OTUD7A: variants seen among roughly 807,000 people sequenced by gnomAD.
OTUD7A encodes OTU deubiquitinase 7A.
In OTUD7A, 12 loss-of-function variants were observed where a neutral mutation model predicts 65.7. The observed-to-expected ratio is 0.18, with a 90% CI of 0.12 to 0.30. The LOEUF (loss-of-function observed/expected upper bound fraction) is 0.30. Among genes scored for constraint, OTUD7A ranks in the 10% least tolerant of loss-of-function variants. The probability of loss-of-function intolerance (pLI) is 1.00; values close to 1 mark genes in which losing one functional copy is unlikely to be tolerated. For synonymous variants in OTUD7A, 641 were observed against 586.3 expected (o/e 1.09, Z -1.35); for missense variants, 1,148 against 1,304.8 (o/e 0.88, Z 1.85).
intron 10 of OTUD7A, among the ~76,000 whole-genome samples, chr15:31,488,045 C>T (rs1174299041): frequency 1.3e-5 from 2 of 152,178 alleles, no homozygotes; most frequent in Non-Finnish European, 2.9e-5. Context: ...GTATCAGTGC[C>T]TGGGACCCAT....
chr15:31,507,536 C>T (rs1040490247), intron 8 of OTUD7A, among the ~76,000 whole-genome samples: 6 of 151,760 alleles, frequency 4.0e-5, no homozygotes, highest in Non-Finnish European at 8.8e-5. Flanking sequence ...TGGCACGGAC[C>T]CAAAGAGTGA....
chr15:31,606,154 T>G (rs1208195342), intron 3 of OTUD7A, among the ~76,000 whole-genome samples: 1 of 152,206 alleles, frequency 6.6e-6, no homozygotes, highest in Non-Finnish European at 1.5e-5. Flanking sequence ...AATTTTTAGC[T>G]CAGTGTAAAT....
intron 1 of OTUD7A, among the ~76,000 whole-genome samples, chr15:31,833,691 A>G (rs1279241744): frequency 6.6e-6 from 1 of 152,278 alleles, no homozygotes; most frequent in Non-Finnish European, 1.5e-5. Context: ...CTCTTTTAGA[A>G]CCAGGCTAGA....
intron 3 of OTUD7A, among the ~76,000 whole-genome samples, chr15:31,587,673 A>G (rs953299948): frequency 1.3e-5 from 2 of 151,514 alleles, no homozygotes; most frequent in African/African-American, 4.9e-5. Context: ...AAATCTTATC[A>G]TGTTCCTCTC....
chr15:31,813,455 A>G (rs1484357703), intron 1 of OTUD7A, among the ~76,000 whole-genome samples: 1 of 152,240 alleles, frequency 6.6e-6, no homozygotes, highest in Non-Finnish European at 1.5e-5. Context: ...TCCAAGATTC[A>G]GCAAATGCCA....
intron 1 of OTUD7A, among the ~76,000 whole-genome samples, chr15:31,703,433 C>T (rs1358884604): frequency 1.3e-5 from 2 of 151,816 alleles, no homozygotes; most frequent in African/African-American, 4.8e-5. Flanking sequence ...AGAGACATTT[C>T]ACTGAAGAGA....
intron 3 of OTUD7A, among the ~76,000 whole-genome samples, chr15:31,604,703 C>T (rs948888347): frequency 1.3e-5 from 2 of 152,252 alleles, no homozygotes; most frequent in Non-Finnish European, 2.9e-5. Flanking sequence ...TAGTAACTGG[C>T]TCATGCATGT....
chr15:31,807,841 C>T (rs1326394958), intron 1 of OTUD7A, among the ~76,000 whole-genome samples: 1 of 152,092 alleles, frequency 6.6e-6, no homozygotes, highest in Non-Finnish European at 1.5e-5. Context: ...ACTGAAGCCT[C>T]ACAGACTGTT....
At chr15:31,704,518 C>T (rs1378198799) in intron 1 of OTUD7A, among the ~76,000 whole-genome samples, 1 of 148,950 alleles carries the variant, frequency 6.7e-6, no homozygotes, top group Non-Finnish European at 1.5e-5. Flanking sequence ...ATTTTTGTTA[C>T]AGTCACTCAT....
intron 1 of OTUD7A, among the ~76,000 whole-genome samples, chr15:31,854,454 C>T (rs894098934): frequency 3.2e-4 from 48 of 152,168 alleles, no homozygotes; most frequent in Middle Eastern, 3.2e-3. Flanking sequence ...TAAAGAGAAA[C>T]GTTTCCCTCT....
At chr15:31,606,684 T>C (rs1890248903) in intron 3 of OTUD7A, among the ~76,000 whole-genome samples, 1 of 152,214 alleles carries the variant, frequency 6.6e-6, no homozygotes, top group South Asian at 2.1e-4. Context: ...AACGCACGAC[T>C]TCTGTTTTGG....
chr15:31,524,877 A>G (rs1344986148), intron 8 of OTUD7A, among the ~76,000 whole-genome samples: 1 of 152,186 alleles, frequency 6.6e-6, no homozygotes, highest in Non-Finnish European at 1.5e-5. Context: ...CTGTGTCCCC[A>G]TTAGCATCTG....
chr15:31,770,622 C>T (rs759624355), intron 1 of OTUD7A, among the ~76,000 whole-genome samples: 2 of 152,074 alleles, frequency 1.3e-5, no homozygotes, highest in Non-Finnish European at 2.9e-5. Context: ...AAACTATAGG[C>T]CAATATCCTT....
At chr15:31,627,159 A>G (rs977510451) in intron 3 of OTUD7A, among the ~76,000 whole-genome samples, 3 of 151,982 alleles carry the variant, frequency 2.0e-5, no homozygotes, top group Non-Finnish European at 2.9e-5. Context: ...TTACACATGT[A>G]TGCATGTGCC....
At chr15:31,637,668 A>G (rs1022425963) in intron 3 of OTUD7A, among the ~76,000 whole-genome samples, 3 of 152,236 alleles carry the variant, frequency 2.0e-5, no homozygotes, top group African/African-American at 7.2e-5. Flanking sequence ...CTAGAAGTCA[A>G]TAAGAACATC....
At chr15:31,837,227 T>C (rs1434382018) in intron 1 of OTUD7A, among the ~76,000 whole-genome samples, 1 of 152,210 alleles carries the variant, frequency 6.6e-6, no homozygotes, top group East Asian at 1.9e-4. Flanking sequence ...TGATTCATGA[T>C]CACTCAAAAT....
intron 3 of OTUD7A, among the ~76,000 whole-genome samples, chr15:31,645,315 A>G (rs565637544): frequency 6.6e-6 from 1 of 152,306 alleles, no homozygotes; most frequent in East Asian, 1.9e-4. Context: ...TTCAGGCAGG[A>G]GGGCACACCC....
chr15:31,615,161 A>C (rs1437306581), intron 3 of OTUD7A, among the ~76,000 whole-genome samples: 2 of 152,244 alleles, frequency 1.3e-5, no homozygotes, highest in East Asian at 3.8e-4. Flanking sequence ...CATCCAATGT[A>C]GGTAAACTAA....
chr15:31,869,850 A>G (rs1362378935), intron 1 of OTUD7A, among the ~76,000 whole-genome samples: 2 of 152,194 alleles, frequency 1.3e-5, no homozygotes, highest in Non-Finnish European at 2.9e-5. Flanking sequence ...CCCAAATTTA[A>G]AGGAGCACTT....
Sources: allele counts gnomAD v4.1 joint callset (sites outside exome capture counted in the v4.1 genomes callset), GRCh38; gene constraint gnomAD v4.1.1; transcripts MANE v1.5; gene names NCBI Gene and HGNC (gene_info 2026-07-23, HGNC 2026-07-21).